The following BCAS3 variants were observed in gnomAD, a reference collection of about 807,000 sequenced individuals.
BCAS3 encodes BCAS4/BCAS3 fusion.
BCAS3 carries 53 observed loss-of-function variants against 116.1 expected under a neutral mutation model. That is an observed-to-expected ratio of 0.46 (90% confidence interval 0.37 to 0.57). The LOEUF (loss-of-function observed/expected upper bound fraction) is 0.57. BCAS3 is among the 20% of genes least tolerant of loss of function. BCAS3 has a pLI of 0.00. For missense variants in BCAS3, 917 were observed against 1,165.4 expected, an observed-to-expected ratio of 0.79 and a Z score of 3.10; for synonymous variants, 391 against 408.2, an observed-to-expected ratio of 0.96 and a Z score of 0.51.
intron 16 of BCAS3, among the ~76,000 whole-genome samples, chr17:61,018,553 C>G (rs1275223769): frequency 6.6e-6 from 1 of 152,050 alleles, no homozygotes; most frequent in Non-Finnish European, 1.5e-5. Flanking sequence ...CCACCTGCCT[C>G]GGCCTCCCAA....
chr17:61,172,802 G>A lies in BCAS3; in HGVS notation c.2425+88238G>A, dbSNP rs1446195276. On this transcript the variant is annotated intron_variant, in intron 22 of 23. Transcript: ENST00000407086. ...AGATCGAGACAATCCTGGCTAACAC[G>A]GTGAAACCCATCTCTACTAAAAATA... Among the ~76,000 whole-genome samples the A allele has an allele frequency of 1.5e-4, 22 of 151,456 alleles. No individual in the cohort carries two copies. In the East Asian group the frequency reaches 2.6e-3, roughly 18 times the overall value.
rs1368344917 is a variant in BCAS3, at chr17:61,392,610, A to G, written c.*485A>G. Reference sequence around the variant, plus strand: ...TTCCCTTGGTCAGCCCCACTCCAGCACGGGGTGAACGGAGGCCCAGAGTAC... The same window carrying G: ...TTCCCTTGGTCAGCCCCACTCCAGCGCGGGGTGAACGGAGGCCCAGAGTAC... On this transcript the variant is annotated 3_prime_UTR_variant, in exon 24 of 24. Transcript: ENST00000407086. This position sits in a 1 kb window ranked among gnomAD's most constrained non-coding sequence, Gnocchi z 6.4. 1 of 156,112 alleles carries G rather than the reference A, an allele frequency of 6.4e-6. No individual in the cohort carries two copies. The highest frequency in any genetic ancestry group is 1.4e-5 in the Non-Finnish European group (1 of 70,930). The allele number at this position is 156,112 out of a possible 1,614,324, so 9.7% of individuals were successfully genotyped here.
intron 22 of BCAS3, among the ~76,000 whole-genome samples, chr17:61,153,166 G>T (rs940177803): frequency 6.6e-6 from 1 of 152,130 alleles, no homozygotes; most frequent in Non-Finnish European, 1.5e-5. Context: ...GTCTCTTCTG[G>T]TGGTAATCTC....
intron 22 of BCAS3, among the ~76,000 whole-genome samples, chr17:61,317,108 T>C (rs1316171518): frequency 1.3e-5 from 2 of 152,250 alleles, no homozygotes; most frequent in Non-Finnish European, 2.9e-5. Flanking sequence ...TAGTGTCTTC[T>C]ATCCAAATTT....
At chr17:61,268,838 G>A (rs765626422) in intron 22 of BCAS3, among the ~76,000 whole-genome samples, 2 of 151,466 alleles carry the variant, frequency 1.3e-5, no homozygotes, top group South Asian at 4.2e-4. Flanking sequence ...GATTACAGGC[G>A]TGAGCCACCA....
In BCAS3 at chr17:60,775,226, G is replaced by A. The variant is rs192220118; in HGVS notation, c.403+27947G>A. ...TTAATTGTGGGGTTTTTTTTCTCTCGGGTGCTAGATGCAGTAGCAAAAGAA... is the reference window on the plus strand; with the variant it reads ...TTAATTGTGGGGTTTTTTTTCTCTCAGGTGCTAGATGCAGTAGCAAAAGAA... On this transcript the variant is annotated intron_variant, in intron 6 of 23. Transcript: ENST00000407086. Among the ~76,000 whole-genome samples, 121 of 151,940 alleles carry A rather than the reference G, an allele frequency of 8.0e-4. 1 individual carries two copies. Among genetic ancestry groups the A allele is most frequent in the Admixed American group, 3.1e-3 (48 of 15,268 alleles).
chr17:61,372,745 C>G (rs986632381), intron 23 of BCAS3, among the ~76,000 whole-genome samples: 1 of 152,150 alleles, frequency 6.6e-6, no homozygotes, highest in Non-Finnish European at 1.5e-5. Context: ...AATGCTGTCT[C>G]TCAAAGCCCC....
chr17:60,870,361 A>G (rs927377970), intron 8 of BCAS3, among the ~76,000 whole-genome samples: 1 of 152,142 alleles, frequency 6.6e-6, no homozygotes, highest in South Asian at 2.1e-4. Flanking sequence ...ACATAAGTAA[A>G]CTATGGTTCA....
chr17:61,146,773 G>T (rs994188502), intron 22 of BCAS3, among the ~76,000 whole-genome samples: 9 of 152,106 alleles, frequency 5.9e-5, no homozygotes, highest in African/African-American at 2.2e-4. Context: ...CTGAATTGAG[G>T]TTGATCTTTA....
At chr17:61,043,712 CG>C in intron 19 of BCAS3, among the ~76,000 whole-genome samples, 2 of 152,068 alleles carry the variant, frequency 1.3e-5, no homozygotes, top group East Asian at 3.9e-4. Flanking sequence ...TGTCTAGGAT[CG>C]GGTCCTGCCT....
chr17:61,152,313 T>G (rs1228165484), intron 22 of BCAS3, among the ~76,000 whole-genome samples: 4 of 152,138 alleles, frequency 2.6e-5, no homozygotes, highest in African/African-American at 9.7e-5. Flanking sequence ...TTAGCTACTT[T>G]TAGGATCCTA....
At chr17:60,991,223 T>C (rs2063504908) in intron 15 of BCAS3, among the ~76,000 whole-genome samples, 1 of 152,246 alleles carries the variant, frequency 6.6e-6, no homozygotes, top group South Asian at 2.1e-4. Context: ...TATATTTTGA[T>C]ATCTTTGGCT....
Position 61,388,635 on chromosome 17 carries a change from A to C in BCAS3, c.2594-3342A>C. Reference sequence around the variant, plus strand: ...TTCAAAAGGGAAAAAAAAAGGAAAAAAAAAACAATGCCAACAGCCCAGCGT... The same window carrying C: ...TTCAAAAGGGAAAAAAAAAGGAAAACAAAAACAATGCCAACAGCCCAGCGT... On this transcript the variant is annotated intron_variant, in intron 23 of 23. Transcript: ENST00000407086. The surrounding 1 kb of genome is among the most constrained non-coding windows in gnomAD (Gnocchi z 6.5). 6.5e-7 allele frequency: 1 copy of C among 1,537,482 alleles called. No homozygotes were observed. Among genetic ancestry groups the C allele is most frequent in the Non-Finnish European group, 8.7e-7 (1 of 1,148,776 alleles).
At chr17:60,779,588 C>T (rs1292256239) in intron 6 of BCAS3, among the ~76,000 whole-genome samples, 4 of 152,150 alleles carry the variant, frequency 2.6e-5, no homozygotes, top group Non-Finnish European at 4.4e-5. Flanking sequence ...AGGCTGGTCT[C>T]GAACTCCTGA....
intron 4 of BCAS3, 61 bp downstream of exon 4, chr17:60,689,822 C>G: frequency 8.8e-7 from 1 of 1,142,444 alleles, no homozygotes; most frequent in Non-Finnish European, 1.3e-6. Context: ...TACCTGATTC[C>G]AAAAAGAGAG....
intron 4 of BCAS3, among the ~76,000 whole-genome samples, chr17:60,697,394 C>T (rs2070121356): frequency 6.6e-6 from 1 of 151,764 alleles, no homozygotes; most frequent in South Asian, 2.1e-4. Context: ...AACCCCGTCT[C>T]TACTAAAAAT....
At chr17:60,773,846 C>T (rs1290779285) in intron 6 of BCAS3, among the ~76,000 whole-genome samples, 5 of 152,088 alleles carry the variant, frequency 3.3e-5, no homozygotes, top group South Asian at 2.1e-4. Context: ...AGGTTCTCAC[C>T]GTATTTCCCA....
At chr17:60,980,287 T>A (rs1168506981) in intron 14 of BCAS3, among the ~76,000 whole-genome samples, 1 of 152,202 alleles carries the variant, frequency 6.6e-6, no homozygotes, top group Non-Finnish European at 1.5e-5. Context: ...CTACACATCC[T>A]CACCAAAACT....
intron 13 of BCAS3, among the ~76,000 whole-genome samples, chr17:60,942,432 C>T (rs2060273422): frequency 6.7e-6 from 1 of 149,634 alleles, no homozygotes; most frequent in Non-Finnish European, 1.5e-5. Flanking sequence ...CATCTCCAAA[C>T]AAAAACAAAA....
Sources: gnomAD v4.1 joint callset for allele counts (sites outside exome capture counted in the v4.1 genomes callset) on GRCh38, gnomAD v4.1.1 for gene constraint, Gnocchi (gnomAD v3.1) non-coding constraint, MANE v1.5 for transcripts, NCBI Gene and HGNC (gene_info 2026-07-23, HGNC 2026-07-21) for gene names.